The following VPS72 variants were observed in gnomAD, a reference collection of about 807,000 sequenced individuals.
VPS72 encodes the protein vacuolar protein sorting-associated protein 72 homolog.
VPS72 carries 27 observed loss-of-function variants against 38.9 expected under a neutral mutation model. The observed-to-expected ratio is 0.69, with a 90% confidence interval of 0.51 to 0.96. VPS72 has a LOEUF of 0.96. VPS72 is among the 40% of genes least tolerant of loss of function. VPS72 has a pLI of 0.00. For synonymous variants in VPS72, 173 were observed against 186.3 expected, an observed-to-expected ratio of 0.93 and a Z score of 0.58; for missense variants, 360 against 479.5, an observed-to-expected ratio of 0.75 and a Z score of 2.33.
At chr1:151,189,408 A>G (rs1477984113) in intron 1 of VPS72, among the ~76,000 whole-genome samples, 6 of 152,244 alleles carry the variant, frequency 3.9e-5, no homozygotes, top group African/African-American at 1.4e-4. Context: ...ACAGTTTACA[A>G]TGCAATAGAA....
chr1:151,176,455 G>A lies in VPS72; in HGVS notation c.*189C>T, dbSNP rs1684099632. Reference sequence around the variant, plus strand: ...GCTCCCAACCCTAGACTGGACACCAGACAAAAGGGATCTTTCTATTTTATT... The same window carrying A: ...GCTCCCAACCCTAGACTGGACACCAAACAAAAGGGATCTTTCTATTTTATT... On this transcript the variant is annotated 3_prime_UTR_variant, in exon 6 of 6. Transcript: ENST00000368892. The A allele has an allele frequency of 2.0e-6, 2 of 1,007,660 alleles. No homozygotes were observed. Among genetic ancestry groups the A allele is most frequent in the Non-Finnish European group, 2.8e-6 (2 of 703,892 alleles). The allele number at this position is 1,007,660 out of a possible 1,614,324, so 62.4% of individuals were successfully genotyped here. A position where few individuals can be genotyped will look rare whatever the true frequency, so the allele number is the denominator to read the frequency against.
At chr1:151,178,172 G>T in intron 4 of VPS72, 27 bp from the exon 5 acceptor site, 2 of 1,609,968 alleles carry the variant, frequency 1.2e-6, no homozygotes, top group Non-Finnish European at 1.7e-6. Context: ...AGAAATGAGG[G>T]GATGATCAGA....
chr1:151,181,853 G>A (rs904954405), intron 4 of VPS72, among the ~76,000 whole-genome samples: 7 of 152,144 alleles, frequency 4.6e-5, no homozygotes, highest in Non-Finnish European at 8.8e-5. Context: ...CCTCCGCCAT[G>A]CCCTCCCTCT....
At chr1:151,181,246 C>CTTTT (rs60085121) in intron 4 of VPS72, among the ~76,000 whole-genome samples, 1 of 136,022 alleles carries the variant, frequency 7.4e-6, no homozygotes, top group Non-Finnish European at 1.6e-5. Flanking sequence ...TGTCACTTTA[C>CTTTT]TTTTTTTTTT....
intron 4 of VPS72, among the ~76,000 whole-genome samples, chr1:151,181,864 G>A (rs1684248555): frequency 6.6e-6 from 1 of 152,046 alleles, no homozygotes; most frequent in South Asian, 2.1e-4. Context: ...CCCTCCCTCT[G>A]GATTACAAAC....
chr1:151,180,234 A>G (rs1343020927), intron 4 of VPS72, among the ~76,000 whole-genome samples: 3 of 143,820 alleles, frequency 2.1e-5, no homozygotes, highest in African/African-American at 7.7e-5. Flanking sequence ...CAGGACAATC[A>G]CTTGAACCTG....
At chr1:151,188,684 TCTC>T (rs1684401490) in intron 1 of VPS72, among the ~76,000 whole-genome samples, 1 of 152,194 alleles carries the variant, frequency 6.6e-6, no homozygotes, top group Admixed American at 6.5e-5. Flanking sequence ...CCTTTCTCCT[TCTC>T]CTGCTTTTCA....
rs374546115 is a variant in VPS72, at chr1:151,180,017, C to T, written c.563-1872G>A. On this transcript the variant is annotated intron_variant, in intron 4 of 5. Coordinates refer to ENST00000368892, the MANE Select transcript of VPS72 (RefSeq NM_005997.3). Reference sequence around the variant, plus strand: ...ATGAACACAATTCCCTAAAGTCTGACCATAAAAGAGTACTCTGGAGGCCAG... The same window carrying T: ...ATGAACACAATTCCCTAAAGTCTGATCATAAAAGAGTACTCTGGAGGCCAG... Among the ~76,000 whole-genome samples, 40 of 151,862 alleles carry T rather than the reference C, an allele frequency of 2.6e-4. No homozygotes were observed. The East Asian group carries it at 5.7e-3, about 21-fold the overall frequency.
At chr1:151,184,902 T>C (rs1684315893) in intron 3 of VPS72, among the ~76,000 whole-genome samples, 1 of 152,064 alleles carries the variant, frequency 6.6e-6, no homozygotes, top group Non-Finnish European at 1.5e-5. Context: ...ATTTCAAACC[T>C]ACGAAGTTGC....
At position 151,185,540 on chromosome 1, in the gene VPS72, T is replaced by C. The variant is rs764157000; in HGVS notation, c.351A>G (p.Leu117=). The C allele has an allele frequency of 3.7e-6, 6 of 1,614,090 alleles. No individual in the cohort carries two copies. In the African/African-American group the frequency reaches 5.3e-5, roughly 14 times the overall value. ...CGTCATCTTGTAGTTCTAATGGCAGTAGTGCCTTCTCTTCTCGCGCCTTCT... is the reference window on the plus strand; with the variant it reads ...CGTCATCTTGTAGTTCTAATGGCAGCAGTGCCTTCTCTTCTCGCGCCTTCT... ...SSQKAREEKA[L]LPLELQDDGS... The change falls in exon 3 of 6, where the codon CTA becomes CTG. Residue 117 remains leucine (L), a synonymous_variant. Transcript: ENST00000368892.
At chr1:151,177,070 G>C in intron 5 of VPS72, 39 bp from the exon 6 acceptor site, 1 of 1,513,468 alleles carries the variant, frequency 6.6e-7, no homozygotes, top group Non-Finnish European at 8.8e-7. Flanking sequence ...AAGAGCTGAG[G>C]AGAGAAGACA....
chr1:151,178,084 G>A lies in VPS72; in HGVS notation c.624C>T (p.Pro208=), dbSNP rs144082612. The change falls in exon 5 of 6, where the codon CCC becomes CCT. Residue 208 remains proline (P), a synonymous_variant. Coordinates refer to ENST00000368892, the MANE Select transcript of VPS72 (RefSeq NM_005997.3). The part of the protein sequence containing the change: ...KKQVHKKRKC[P]GPIITYHSVT... ...CTGAATGATAGGTGATTATGGGCCC[G>A]GGGCACTTCCGCTTCTTATGAACCT... 173 of 1,614,056 alleles carry A rather than the reference G, an allele frequency of 1.1e-4. 1 individual carries two copies. Among genetic ancestry groups the A allele is most frequent in the East Asian group, 6.0e-4 (27 of 44,872 alleles).
chr1:151,185,559 G>A lies in VPS72; in HGVS notation c.332C>T (p.Ala111Val), dbSNP rs1201308441. The change falls in exon 3 of 6, where the codon GCG (alanine) becomes GTG (valine). Residue 111 changes from alanine to valine, a missense_variant. This residue lies in a region of VPS72 where 294 missense variants were observed against 356.3 expected (regional missense o/e 0.83). Coordinates refer to ENST00000368892, the MANE Select transcript of VPS72 (RefSeq NM_005997.3). ...TGGCAGTAGTGCCTTCTCTTCTCGC[G>A]CCTTCTGAGAGCTACCAGCCGGGGT... Reference protein sequence around the residue: ...VNTPAGSSQKAREEKALLPLE... With the variant: ...VNTPAGSSQKVREEKALLPLE... 3 of 1,614,048 alleles carry A rather than the reference G, an allele frequency of 1.9e-6. No individual in the cohort carries two copies. The highest frequency in any genetic ancestry group is 1.7e-5 in the Admixed American group (1 of 59,988).
Position 151,190,095 on chromosome 1 carries a change from G to C in VPS72, c.27C>G (p.Pro9=). ...AAAGCCGGTTCCCAGCGGTCTTCCG[G>C]GGTGCCCGGCCCCCAGCCAAACTCA... MSLAGGRA[P]RKTAGNRLSG... The change falls in exon 1 of 6, where the codon CCC becomes CCG. Residue 9 remains proline, a synonymous_variant. Transcript: ENST00000368892. 1.9e-6 allele frequency: 3 copies of C among 1,614,004 alleles called. No individual in the cohort carries two copies. Among genetic ancestry groups the C allele is most frequent in the Non-Finnish European group, 2.5e-6 (3 of 1,180,018 alleles).
chr1:151,184,559 G>A lies in VPS72; in HGVS notation c.386-66C>T. The A allele has an allele frequency of 2.8e-6, 4 of 1,424,772 alleles. No homozygotes were observed. In the South Asian group the frequency reaches 4.2e-5, roughly 15 times the overall value. 88.3% of individuals were successfully genotyped at this position (1,424,772 alleles called of 1,614,324 possible). On this transcript the variant is annotated intron_variant, in intron 3 of 5. Transcript: ENST00000368892. Reference sequence around the variant, plus strand: ...TCCACATATTTTATTTATTTATTTTGAAATGTTGTACTTGGAAATAATTTT... The same window carrying A: ...TCCACATATTTTATTTATTTATTTTAAAATGTTGTACTTGGAAATAATTTT...
chr1:151,178,124 G>A lies in VPS72; in HGVS notation c.584C>T (p.Ala195Val). 1 of 1,613,954 alleles carries A rather than the reference G, an allele frequency of 6.2e-7. No individual in the cohort carries two copies. Among genetic ancestry groups the A allele is most frequent in the Non-Finnish European group, 8.5e-7 (1 of 1,180,000 alleles). The change falls in exon 5 of 6, where the codon GCT becomes GTT. Residue 195 changes from alanine (A) to valine (V), a missense_variant. By Grantham distance (64) the Ala-to-Val change is moderately conservative (BLOSUM62 0). Coordinates refer to ENST00000368892, the MANE Select transcript of VPS72 (RefSeq NM_005997.3). ...CTTATGAACCTGCTTCTTTTTATCA[G>A]CCTCGAGCCGCTCATATGTCTCTTT... Reference protein sequence around the residue: ...RSLETYERLEADKKKQVHKKR... With the variant: ...RSLETYERLEVDKKKQVHKKR...
intron 4 of VPS72, 35 bp from the exon 5 acceptor site, chr1:151,178,180 A>C: frequency 6.2e-7 from 1 of 1,608,018 alleles, no homozygotes; most frequent in Non-Finnish European, 8.5e-7. Flanking sequence ...GGGGATGATC[A>C]GAATGTCCCT....
chr1:151,185,751 A>G (rs1444892385), intron 2 of VPS72, 47 bp downstream of exon 2: 1 of 1,611,828 alleles, frequency 6.2e-7, no homozygotes, highest in Non-Finnish European at 8.5e-7. Context: ...GATGAAAGAG[A>G]GAATAGGAAT....
In VPS72 at chr1:151,190,149, T is replaced by C. The variant is rs772657922; in HGVS notation, c.-28A>G. ...CGCCTACCGAGACTGCGCCGCCACC[T>C]GCAGCCCCTCACCAGCTCGGTTTTG... is the stretch of plus-strand genomic sequence containing the variant. On this transcript the variant is annotated 5_prime_UTR_variant, in exon 1 of 6. Transcript: ENST00000368892. The C allele has an allele frequency of 1.2e-5, 20 of 1,609,122 alleles. No homozygotes were observed. In the African/African-American group the frequency reaches 2.5e-4, roughly 20 times the overall value.
Sources: gnomAD v4.1 joint callset for allele counts (sites outside exome capture counted in the v4.1 genomes callset) on GRCh38, gnomAD v4.1.1 for gene constraint, gnomAD v4.1.1 regional missense constraint, MANE v1.5 for transcripts, NCBI Gene and HGNC (gene_info 2026-07-23, HGNC 2026-07-21) for gene names.